Variants in NGB observed in about 807,000 individuals in gnomAD.
The protein encoded by NGB is neuroglobin, also known as nitrite reductase.
In NGB, 12 loss-of-function variants were observed where a neutral mutation model predicts 17.3. The ratio of observed to expected loss-of-function variants is 0.69; its 90% CI spans 0.45 to 1.13. NGB has a LOEUF of 1.13. NGB is among the 50% of genes most tolerant of loss of function. NGB has a pLI of 0.00. For missense variants in NGB, 195 were observed against 191.7 expected (o/e 1.02, Z -0.10); for synonymous variants, 87 against 81.0 (o/e 1.07, Z -0.40).
At position 77,265,900 on chromosome 14, in the gene NGB, C is replaced by T. The variant is rs573109525; in HGVS notation, c.*636G>A. On this transcript the variant is annotated 3_prime_UTR_variant, in exon 4 of 4. Transcript: ENST00000298352. This position sits in a 1 kb window ranked among gnomAD's most constrained non-coding sequence, Gnocchi z 4.7. ...GTGCTGAATGAGGGAAAGGGAATGC[C>T]GCCAAAGGAAACCGACTCTGTCAGG... The T allele has an allele frequency of 3.4e-3, 634 of 185,476 alleles. 3 individuals carry two copies. Among genetic ancestry groups the T allele is most frequent in the Non-Finnish European group, 4.0e-3 (341 of 85,076 alleles). 11.5% of individuals were successfully genotyped at this position (185,476 alleles called of 1,614,324 possible). A position where few individuals can be genotyped will look rare whatever the true frequency, so the allele number is the denominator to read the frequency against.
rs1889773433 is a variant in NGB, at chr14:77,271,179, T to G, written c.-242A>C. On this transcript the variant is annotated 5_prime_UTR_variant, in exon 1 of 4. Coordinates refer to ENST00000298352, the MANE Select transcript of NGB (RefSeq NM_021257.4). The stretch of plus-strand genomic sequence containing the variant: ...GGGACCCCGCTTGGCCGCTGCGCCC[T>G]GCGCCCCGCAGCCGCCAGAGCCGCC... 1 of 405,656 alleles carries G rather than the reference T, an allele frequency of 2.5e-6. No individual in the cohort carries two copies. The highest frequency in any genetic ancestry group is 4.7e-5 in the Admixed American group (1 of 21,194). The allele number at this position is 405,656 out of a possible 1,614,324, so 25.1% of individuals were successfully genotyped here.
At chr14:77,268,687 T>C in intron 2 of NGB, 102 bp from the exon 3 acceptor site, 1 of 1,487,042 alleles carries the variant, frequency 6.7e-7, no homozygotes, top group Non-Finnish European at 9.2e-7. Context: ...GAGAGGCCAG[T>C]AGGACCCTCA....
At chr14:77,270,009 G>A (rs538124281) in intron 1 of NGB, among the ~76,000 whole-genome samples, 1 of 150,730 alleles carries the variant, frequency 6.6e-6, no homozygotes, top group African/African-American at 2.5e-5. Flanking sequence ...AAAGTGAGCT[G>A]GGGGGAGTCC....
intron 2 of NGB, 92 bp from the exon 3 acceptor site, chr14:77,268,677 G>C: frequency 1.3e-6 from 2 of 1,543,408 alleles, no homozygotes; most frequent in Non-Finnish European, 8.8e-7. Context: ...CCCAAAGCAA[G>C]AGAGGCCAGT....
rs1889658307 is a variant in NGB, at chr14:77,265,741, T to G, written c.*795A>C. On this transcript the variant is annotated 3_prime_UTR_variant, in exon 4 of 4. Transcript: ENST00000298352. The surrounding 1 kb of genome is among the most constrained non-coding windows in gnomAD (Gnocchi z 4.7). ...CACTCCTGCAGGAGCGGGTTGGTGATGAAGGGCTGGGGGAACTCGGGTCTC... is the reference window on the plus strand; with the variant it reads ...CACTCCTGCAGGAGCGGGTTGGTGAGGAAGGGCTGGGGGAACTCGGGTCTC... 6.4e-6 allele frequency: 1 copy of G among 156,158 alleles called. No individual in the cohort carries two copies. Among genetic ancestry groups the G allele is most frequent in the African/African-American group, 2.4e-5 (1 of 41,478 alleles). 9.7% of individuals were successfully genotyped at this position (156,158 alleles called of 1,614,324 possible). A position where few individuals can be genotyped will look rare whatever the true frequency, so the allele number is the denominator to read the frequency against.
Position 77,265,942 on chromosome 14 carries a change from C to T in NGB, c.*594G>A, listed in dbSNP as rs761989612. The T allele has an allele frequency of 8.0e-6, 2 of 250,402 alleles. No individual in the cohort carries two copies. The highest frequency in any genetic ancestry group is 4.9e-5 in the South Asian group (1 of 20,452). The allele number at this position is 250,402 out of a possible 1,614,324, so 15.5% of individuals were successfully genotyped here. On this transcript the variant is annotated 3_prime_UTR_variant, in exon 4 of 4. Transcript: ENST00000298352. The surrounding 1 kb of genome is among the most constrained non-coding windows in gnomAD (Gnocchi z 4.7). The stretch of plus-strand genomic sequence containing the variant: ...TCTGTCAGGGCATCTGCACAGCCCG[C>T]GAGACTCAAATGAGACCCATTGAGA...
Position 77,266,318 on chromosome 14 carries a change from G to A in NGB, c.*218C>T, listed in dbSNP as rs760103545. On this transcript the variant is annotated 3_prime_UTR_variant, in exon 4 of 4. Coordinates refer to ENST00000298352, the MANE Select transcript of NGB (RefSeq NM_021257.4). ...AGAAACGCAAGAAAGAGGCTACTGGGGATGAGGGGACACCCAGAAGCCCCT... is the reference window on the plus strand; with the variant it reads ...AGAAACGCAAGAAAGAGGCTACTGGAGATGAGGGGACACCCAGAAGCCCCT... 1.3e-6 allele frequency: 1 copy of A among 780,588 alleles called. No homozygotes were observed. 48.4% of individuals were successfully genotyped at this position (780,588 alleles called of 1,614,324 possible).
intron 3 of NGB, 85 bp from the exon 4 acceptor site, chr14:77,266,755 C>CCTG: frequency 6.8e-7 from 1 of 1,465,252 alleles, no homozygotes; most frequent in Non-Finnish European, 9.2e-7. Context: ...AGGCCTAGGA[C>CCTG]TGATTAGGGC....
At chr14:77,269,911 G>C (rs1264239738) in intron 1 of NGB, among the ~76,000 whole-genome samples, 2 of 134,512 alleles carry the variant, frequency 1.5e-5, no homozygotes, top group Middle Eastern at 4.3e-3. Flanking sequence ...CAGTTTTATA[G>C]AGGAGAAAAC....
At chr14:77,269,142 AT>A in intron 2 of NGB, 72 bp downstream of exon 2, 1 of 993,902 alleles carries the variant, frequency 1.0e-6, no homozygotes, top group Non-Finnish European at 1.5e-6. Context: ...GCAGAAAGTC[AT>A]TTTCTCCATT....
At chr14:77,268,249 T>C (rs890883426) in intron 3 of NGB, among the ~76,000 whole-genome samples, 1 of 152,138 alleles carries the variant, frequency 6.6e-6, no homozygotes, top group Non-Finnish European at 1.5e-5. Context: ...TTAATTTTTA[T>C]GGTTTTAAAA....
At chr14:77,268,931 G>A (rs1889711303) in intron 2 of NGB, among the ~76,000 whole-genome samples, 1 of 152,202 alleles carries the variant, frequency 6.6e-6, no homozygotes, top group African/African-American at 2.4e-5. Context: ...TTCATAGGCA[G>A]ATAGTTCCCA....
chr14:77,270,510 G>T (rs1418979372), intron 1 of NGB, among the ~76,000 whole-genome samples: 1 of 152,224 alleles, frequency 6.6e-6, no homozygotes, highest in Admixed American at 6.5e-5. Flanking sequence ...TAAGGAAGAC[G>T]CAGGAGGCAC....
At chr14:77,270,424 C>CATCTCCCT (rs1889755668) in intron 1 of NGB, among the ~76,000 whole-genome samples, 1 of 152,192 alleles carries the variant, frequency 6.6e-6, no homozygotes, top group Non-Finnish European at 1.5e-5. Context: ...TCGCCCCACA[C>CATCTCCCT]ATCTCCCTTC....
chr14:77,268,336 T>A (rs980592583), intron 3 of NGB, 130 bp downstream of exon 3: 1 of 945,074 alleles, frequency 1.1e-6, no homozygotes, highest in Non-Finnish European at 1.6e-6. Context: ...AGGTAACAGA[T>A]GCAGGCCCGC....
At chr14:77,267,796 G>A (rs1889694400) in intron 3 of NGB, among the ~76,000 whole-genome samples, 1 of 152,078 alleles carries the variant, frequency 6.6e-6, no homozygotes, top group Non-Finnish European at 1.5e-5. Context: ...GCCCCCAGTG[G>A]GCTACACCTC....
intron 1 of NGB, among the ~76,000 whole-genome samples, chr14:77,270,364 C>G (rs1216780321): frequency 6.6e-6 from 1 of 152,152 alleles, no homozygotes; most frequent in Non-Finnish European, 1.5e-5. Flanking sequence ...TGTTGGTTGT[C>G]AGGGATCCAC....
In NGB at chr14:77,271,072, G is replaced by A; in HGVS notation, c.-135C>T. 1 of 597,642 alleles carries A rather than the reference G, an allele frequency of 1.7e-6. No individual in the cohort carries two copies. The highest frequency in any genetic ancestry group is 2.7e-6 in the Non-Finnish European group (1 of 370,142). 37.0% of individuals were successfully genotyped at this position (597,642 alleles called of 1,614,324 possible). On this transcript the variant is annotated 5_prime_UTR_variant, in exon 1 of 4. Coordinates refer to ENST00000298352, the MANE Select transcript of NGB (RefSeq NM_021257.4). ...GCCCCCCGTGCCTCCGCCCGGCGGG[G>A]GCCGCAGCCGCTCCTTCCCTGGCGC...
intron 3 of NGB, among the ~76,000 whole-genome samples, chr14:77,267,177 GC>G (rs769795878): frequency 1.7e-4 from 26 of 152,332 alleles, no homozygotes; most frequent in South Asian, 1.0e-3. Context: ...CAACTCCTGG[GC>G]CTGTTGGGAT....
Sources: allele counts gnomAD v4.1 joint callset (sites outside exome capture counted in the v4.1 genomes callset), GRCh38; gene constraint gnomAD v4.1.1; non-coding constraint Gnocchi (gnomAD v3.1); transcripts MANE v1.5; gene names NCBI Gene and HGNC (gene_info 2026-07-23, HGNC 2026-07-21).